The following FKBP9 variants were observed in gnomAD, a reference collection of about 807,000 sequenced individuals.
FKBP9 encodes the protein FKBP prolyl isomerase 9.
Under a neutral mutation model 55.6 loss-of-function variants are expected in FKBP9, and 27 were observed. That is an observed-to-expected ratio of 0.49 (90% CI 0.36 to 0.67). The LOEUF is 0.67. FKBP9 is among the 30% of genes least tolerant of loss of function. FKBP9 has a pLI of 0.00. For missense variants in FKBP9, 539 were observed against 742.8 expected, an observed-to-expected ratio of 0.73 and a Z score of 3.19; for synonymous variants, 267 against 296.5, an observed-to-expected ratio of 0.90 and a Z score of 1.02.
At chr7:32,971,836 G>A (rs1784259684) in intron 1 of FKBP9, among the ~76,000 whole-genome samples, 1 of 152,124 alleles carries the variant, frequency 6.6e-6, no homozygotes, top group Admixed American at 6.5e-5. Flanking sequence ...CAAAGAGCCT[G>A]AGTATCATAG....
intron 1 of FKBP9, among the ~76,000 whole-genome samples, chr7:32,971,336 T>A (rs1473953039): frequency 6.6e-6 from 1 of 152,234 alleles, no homozygotes; most frequent in Non-Finnish European, 1.5e-5. Flanking sequence ...GTATACATTT[T>A]CTTTCAGAAA....
Position 33,004,065 on chromosome 7 carries a change from A to C in FKBP9, c.1537-1110A>C, listed in dbSNP as rs146961275. On this transcript the variant is annotated intron_variant, in intron 9 of 9. Coordinates refer to ENST00000242209, the MANE Select transcript of FKBP9 (RefSeq NM_007270.5). Reference sequence around the variant, plus strand: ...GGCCTCCAGTGGCTCAGGCGAGAGCACTCGGTGATCTCTGACTCCTCTCTT... The same window carrying C: ...GGCCTCCAGTGGCTCAGGCGAGAGCCCTCGGTGATCTCTGACTCCTCTCTT... Among the ~76,000 whole-genome samples, 334 of 151,810 alleles carry C rather than the reference A, an allele frequency of 2.2e-3. 1 individual carries two copies. The highest frequency in any genetic ancestry group is 7.7e-3 in the African/African-American group (319 of 41,364).
chr7:32,978,231 A>G (rs996416413), intron 4 of FKBP9, among the ~76,000 whole-genome samples: 6 of 149,972 alleles, frequency 4.0e-5, no homozygotes, highest in East Asian at 4.0e-4. Context: ...CCACTTTTAT[A>G]TATTTTACAT....
rs1293055361 is a variant in FKBP9, at chr7:32,980,431, G to A, written c.771G>A (p.Lys257=). The change falls in exon 5 of 10, where the codon AAG becomes AAA. Residue 257 remains lysine, a synonymous_variant. Transcript: ENST00000242209. ...CATTATTGGACCTCCATAACCCCAA[G>A]GACAGCATTTCCATTGAGAACAAGG... ...DVALLDLHNP[K]DSISIENKVV... 1.9e-6 allele frequency: 3 copies of A among 1,613,584 alleles called. No homozygotes were observed. Among genetic ancestry groups the A allele is most frequent in the Non-Finnish European group, 2.5e-6 (3 of 1,179,824 alleles).
Sources: allele counts gnomAD v4.1 joint callset (sites outside exome capture counted in the v4.1 genomes callset), GRCh38; gene constraint gnomAD v4.1.1; transcripts MANE v1.5; gene names NCBI Gene and HGNC (gene_info 2026-07-23, HGNC 2026-07-21).